The following ELMO1 variants were observed in gnomAD, a reference collection of about 807,000 sequenced individuals.
ELMO1 encodes the protein engulfment and cell motility 1, also known as engulfment and cell motility protein 1.
A neutral mutation model predicts 98.9 loss-of-function variants in ELMO1; 26 were observed. The ratio of observed to expected loss-of-function variants is 0.26; its 90% confidence interval spans 0.19 to 0.36. The LOEUF (loss-of-function observed/expected upper bound fraction) is 0.36, where lower values mean the gene tolerates loss of function less well. Ranked by LOEUF, ELMO1 falls within the 10% of genes least tolerant of loss-of-function variation. The probability of loss-of-function intolerance (pLI) is 1.00; values close to 1 mark genes in which losing one functional copy is unlikely to be tolerated. For synonymous variants in ELMO1, 346 were observed against 346.0 expected, an observed-to-expected ratio of 1.00 and a Z score of 0.00; for missense variants, 627 against 935.2, an observed-to-expected ratio of 0.67 and a Z score of 4.30.
chr7:37,237,810 C>T (rs1584855343), intron 7 of ELMO1, among the ~76,000 whole-genome samples: 1 of 152,298 alleles, frequency 6.6e-6, no homozygotes, highest in South Asian at 2.1e-4. Context: ...CTTCAAAAAG[C>T]ATGACTTATG....
chr7:37,260,770 A>G (rs995535612), intron 5 of ELMO1, among the ~76,000 whole-genome samples: 1 of 152,080 alleles, frequency 6.6e-6, no homozygotes, highest in Admixed American at 6.5e-5. Flanking sequence ...GAAGGAAAAG[A>G]GCAGGGAGGA....
intron 14 of ELMO1, among the ~76,000 whole-genome samples, chr7:37,104,010 C>CAAAAA (rs35979251): frequency 0.012 from 345 of 28,998 alleles, 15 homozygotes; most frequent in Middle Eastern, 0.036. Flanking sequence ...GACTCCATCT[C>CAAAAA]AAAAAAAAAA....
intron 2 of ELMO1, among the ~76,000 whole-genome samples, chr7:37,327,585 A>C (rs1209390701): frequency 6.6e-6 from 1 of 152,254 alleles, no homozygotes; most frequent in Non-Finnish European, 1.5e-5. Flanking sequence ...GTATGAAATT[A>C]GTTCATGTTT....
intron 15 of ELMO1, among the ~76,000 whole-genome samples, chr7:37,069,894 T>C (rs1797181232): frequency 6.6e-6 from 1 of 152,194 alleles, no homozygotes; most frequent in Non-Finnish European, 1.5e-5. Flanking sequence ...TTTTTAACTT[T>C]GAGAACATGA....
At chr7:37,067,433 T>C (rs1434481638) in intron 15 of ELMO1, among the ~76,000 whole-genome samples, 1 of 152,236 alleles carries the variant, frequency 6.6e-6, no homozygotes, top group African/African-American at 2.4e-5. Context: ...AAATGCAAAG[T>C]ATTTTCTTCT....
chr7:36,983,173 A>G (rs941333204), intron 16 of ELMO1, among the ~76,000 whole-genome samples: 1 of 152,234 alleles, frequency 6.6e-6, no homozygotes, highest in African/African-American at 2.4e-5. Flanking sequence ...GATGGCCCAG[A>G]AGGAACTGGT....
At chr7:37,051,912 CT>C (rs928702442) in intron 15 of ELMO1, among the ~76,000 whole-genome samples, 12 of 152,084 alleles carry the variant, frequency 7.9e-5, no homozygotes, top group Non-Finnish European at 1.5e-4. Flanking sequence ...GGTCAGAAGA[CT>C]TTTTTTGTCA....
intron 1 of ELMO1, among the ~76,000 whole-genome samples, chr7:37,373,616 A>C (rs1276052569): frequency 6.6e-6 from 1 of 152,170 alleles, no homozygotes; most frequent in African/African-American, 2.4e-5. Flanking sequence ...CTCAAAAAAA[A>C]AAAAAATCCA....
At chr7:37,276,739 G>A (rs1359498954) in intron 4 of ELMO1, among the ~76,000 whole-genome samples, 1 of 152,146 alleles carries the variant, frequency 6.6e-6, no homozygotes, top group African/African-American at 2.4e-5. Context: ...GGACAGAAAC[G>A]TCTACCCAGC....
At chr7:37,239,253 C>T (rs955151606) in intron 7 of ELMO1, among the ~76,000 whole-genome samples, 1 of 152,076 alleles carries the variant, frequency 6.6e-6, no homozygotes, top group Non-Finnish European at 1.5e-5. Flanking sequence ...GAAACCTCCA[C>T]CTCCTGGGTT....
At chr7:37,310,759 T>A (rs1305610271) in intron 4 of ELMO1, among the ~76,000 whole-genome samples, 1 of 152,174 alleles carries the variant, frequency 6.6e-6, no homozygotes, top group Non-Finnish European at 1.5e-5. Flanking sequence ...CATAGAGAGC[T>A]CTGGGTTCAG....
intron 4 of ELMO1, among the ~76,000 whole-genome samples, chr7:37,277,777 CTGGTTACTGAGAA>C (rs1278422259): frequency 6.6e-4 from 101 of 152,356 alleles, no homozygotes; most frequent in African/African-American, 2.3e-3. Context: ...CCACACTCAG[CTGGTTACTGAGAA>C]CGCACACCTT....
At chr7:37,420,211 TA>T (rs34561046) in intron 1 of ELMO1, among the ~76,000 whole-genome samples, 85,566 of 152,076 alleles carry the variant, frequency 0.56, 24,554 homozygotes, top group East Asian at 0.77. Context: ...AATGTGAAAA[TA>T]AGCTGCCCTG....
Position 36,998,143 on chromosome 7 carries a change from C to T in ELMO1, c.1437+15156G>A, listed in dbSNP as rs941936156. Among the ~76,000 whole-genome samples the T allele has an allele frequency of 7.9e-5, 12 of 152,040 alleles. No homozygotes were observed. The South Asian group carries it at 1.0e-3, about 13-fold the overall frequency. On this transcript the variant is annotated intron_variant, in intron 16 of 21. Coordinates refer to ENST00000310758, the MANE Select transcript of ELMO1 (RefSeq NM_014800.11). ...GAAGAGATGGGGGTGGGGGAGGATG[C>T]GAATAGCATGAAGGTGTAAGGGATA...
At chr7:37,308,431 G>C (rs1438168592) in intron 4 of ELMO1, among the ~76,000 whole-genome samples, 5 of 152,122 alleles carry the variant, frequency 3.3e-5, no homozygotes, top group Non-Finnish European at 5.9e-5. Context: ...CTATTTCTCT[G>C]CACACCATCA....
intron 1 of ELMO1, among the ~76,000 whole-genome samples, chr7:37,347,027 GC>G (rs763038385): frequency 1.9e-4 from 29 of 152,164 alleles, no homozygotes; most frequent in Non-Finnish European, 4.3e-4. Flanking sequence ...ACTTAACCAA[GC>G]CCAATTAGAC....
chr7:37,447,426 A>C (rs1042465994), intron 1 of ELMO1, among the ~76,000 whole-genome samples: 7 of 151,908 alleles, frequency 4.6e-5, no homozygotes, highest in African/African-American at 1.7e-4. Context: ...GGGCATCCCA[A>C]ATATATTCAC....
At chr7:37,147,952 T>A (rs6462731) in intron 13 of ELMO1, among the ~76,000 whole-genome samples, 26 of 152,168 alleles carry the variant, frequency 1.7e-4, no homozygotes, top group Non-Finnish European at 2.9e-4. Context: ...TAACAACGTC[T>A]TCAGGCATCT....
chr7:37,222,142 T>G (rs567493871), intron 10 of ELMO1, among the ~76,000 whole-genome samples: 1 of 152,286 alleles, frequency 6.6e-6, no homozygotes, highest in South Asian at 2.1e-4. Flanking sequence ...ATATTATCCC[T>G]CCTGTCCTCT....
Sources: gnomAD v4.1 joint callset for allele counts (sites outside exome capture counted in the v4.1 genomes callset) on GRCh38, gnomAD v4.1.1 for gene constraint, MANE v1.5 for transcripts, NCBI Gene and HGNC (gene_info 2026-07-23, HGNC 2026-07-21) for gene names.